Variants in PLCL1 observed in about 807,000 individuals in gnomAD.
The protein encoded by PLCL1 is inactive phospholipase C-like protein 1.
A neutral mutation model predicts 84.4 loss-of-function variants in PLCL1; 41 were observed. That is an observed-to-expected ratio of 0.49 (90% confidence interval 0.38 to 0.63). The LOEUF is 0.63. Among genes scored for constraint, PLCL1 ranks in the 30% least tolerant of loss-of-function variants. The pLI, the probability that PLCL1 is intolerant of heterozygous loss-of-function variation, is 0.00. For synonymous variants in PLCL1, 490 were observed against 488.3 expected (o/e 1.00, Z -0.05); for missense variants, 1,206 against 1,367.8 (o/e 0.88, Z 1.87).
intron 5 of PLCL1, among the ~76,000 whole-genome samples, chr2:198,142,739 A>G (rs1023629822): frequency 7.2e-5 from 11 of 151,758 alleles, no homozygotes; most frequent in African/African-American, 2.7e-4. Context: ...CATCAGCATC[A>G]GTCTACCTGA....
chr2:198,067,090 A>C (rs1692340213), intron 1 of PLCL1, among the ~76,000 whole-genome samples: 1 of 151,968 alleles, frequency 6.6e-6, no homozygotes, highest in East Asian at 1.9e-4. Context: ...CAAAATATGA[A>C]GAATTTTCCA....
rs539561414 is a variant in PLCL1, at chr2:197,972,473, C to T, written c.241-111285C>T. On this transcript the variant is annotated intron_variant, in intron 1 of 5. Coordinates refer to ENST00000428675, the MANE Select transcript of PLCL1 (RefSeq NM_006226.4). ...ACATGTCTGACAGCATCAGAGAAAA[C>T]ATCCTCGTAATGTTAATTTTACTCA... Among the ~76,000 whole-genome samples, 97 of 152,266 alleles carry T rather than the reference C, an allele frequency of 6.4e-4. 1 individual carries two copies. The highest frequency in any genetic ancestry group is 5.8e-4 in the East Asian group (3 of 5,190).
chr2:198,049,190 G>A (rs1413510758), intron 1 of PLCL1, among the ~76,000 whole-genome samples: 1 of 152,206 alleles, frequency 6.6e-6, no homozygotes, highest in African/African-American at 2.4e-5. Context: ...CACTGAGATT[G>A]TTTTGCTCTG....
At position 198,085,632 on chromosome 2, in the gene PLCL1, T is replaced by C. The variant is rs754371381; in HGVS notation, c.2115T>C (p.Ser705=). The part of the protein sequence containing the change: ...LRPSIMRDEV[S]YFSANTKGIL... ...CGTCTATAATGCGAGATGAAGTTTC[T>C]TACTTCAGCGCAAATACAAAGGGCA... Residue 705 remains serine (S), a synonymous_variant, in exon 2 of 6, where the codon TCT becomes TCC. Transcript: ENST00000428675. This position sits in a 1 kb window ranked among gnomAD's most constrained non-coding sequence, Gnocchi z 5.3. 13 of 1,613,736 alleles carry C rather than the reference T, an allele frequency of 8.1e-6. No individual in the cohort carries two copies. The highest frequency in any genetic ancestry group is 1.1e-5 in the Non-Finnish European group (13 of 1,179,624).
intron 1 of PLCL1, among the ~76,000 whole-genome samples, chr2:198,010,376 A>C (rs2105829154): frequency 6.6e-6 from 1 of 152,074 alleles, no homozygotes; most frequent in African/African-American, 2.4e-5. Context: ...TTATCATGAA[A>C]GCATGTTGAA....
chr2:197,994,670 GC>G (rs1166231036), intron 1 of PLCL1, among the ~76,000 whole-genome samples: 2 of 152,132 alleles, frequency 1.3e-5, no homozygotes, highest in African/African-American at 4.8e-5. Flanking sequence ...GGTAAGGTGT[GC>G]CTAAATTAAA....
chr2:197,995,075 T>A (rs1239543425), intron 1 of PLCL1, among the ~76,000 whole-genome samples: 1 of 152,204 alleles, frequency 6.6e-6, no homozygotes, highest in Non-Finnish European at 1.5e-5. Context: ...TATCCATGAC[T>A]TCAGTAAATT....
intron 1 of PLCL1, among the ~76,000 whole-genome samples, chr2:198,058,389 G>A (rs1199504351): frequency 1.3e-5 from 2 of 151,940 alleles, no homozygotes; most frequent in Non-Finnish European, 2.9e-5. Flanking sequence ...AAAGGAGGAA[G>A]AATTCATTTT....
chr2:197,873,735 G>C (rs1232003288), intron 1 of PLCL1, among the ~76,000 whole-genome samples: 1 of 152,098 alleles, frequency 6.6e-6, no homozygotes, highest in Non-Finnish European at 1.5e-5. Flanking sequence ...AATATATCAG[G>C]CCACCTTCCT....
intron 1 of PLCL1, among the ~76,000 whole-genome samples, chr2:197,928,333 T>C (rs965922155): frequency 2.6e-5 from 4 of 152,170 alleles, no homozygotes; most frequent in Non-Finnish European, 5.9e-5. Flanking sequence ...ATGTTGCTTA[T>C]TTTTCACTAA....
chr2:198,103,795 A>T (rs759953096), intron 4 of PLCL1, 32 bp from the exon 5 acceptor site: 10 of 1,110,504 alleles, frequency 9.0e-6, no homozygotes, highest in Admixed American at 6.0e-5. Context: ...TGAGATATAT[A>T]CTCAGATTTC....
At chr2:197,966,252 G>T (rs1055272025) in intron 1 of PLCL1, among the ~76,000 whole-genome samples, 1 of 152,110 alleles carries the variant, frequency 6.6e-6, no homozygotes, top group Middle Eastern at 3.4e-3. Flanking sequence ...AAGAGATGGT[G>T]CACATGAGCT....
At chr2:197,978,679 A>G (rs1690037722) in intron 1 of PLCL1, among the ~76,000 whole-genome samples, 2 of 152,250 alleles carry the variant, frequency 1.3e-5, no homozygotes, top group African/African-American at 4.8e-5. Context: ...CTTCCAAATC[A>G]GAGTTGTGAG....
At chr2:197,812,353 G>A (rs1690604899) in intron 1 of PLCL1, among the ~76,000 whole-genome samples, 1 of 152,146 alleles carries the variant, frequency 6.6e-6, no homozygotes. Context: ...TTCTGTTTTA[G>A]TCTCTTTGAT....
At chr2:197,900,262 T>C (rs1688239917) in intron 1 of PLCL1, among the ~76,000 whole-genome samples, 1 of 152,188 alleles carries the variant, frequency 6.6e-6, no homozygotes, top group African/African-American at 2.4e-5. Context: ...GCAAGACAGC[T>C]TACCAACTTT....
intron 1 of PLCL1, among the ~76,000 whole-genome samples, chr2:197,922,737 C>T (rs1688732089): frequency 9.1e-6 from 1 of 110,342 alleles, no homozygotes; most frequent in Non-Finnish European, 2.0e-5. Context: ...GGCAGAGGCG[C>T]CCCTCACCTC....
chr2:198,118,025 A>G (rs772031982), intron 5 of PLCL1, among the ~76,000 whole-genome samples: 4 of 151,938 alleles, frequency 2.6e-5, no homozygotes, highest in African/African-American at 7.2e-5. Context: ...CAACTCACTT[A>G]TTAAACCCTG....
At chr2:198,031,884 A>G (rs540571306) in intron 1 of PLCL1, among the ~76,000 whole-genome samples, 2 of 152,248 alleles carry the variant, frequency 1.3e-5, no homozygotes, top group South Asian at 2.1e-4. Context: ...TTAGAAAACT[A>G]ATGATAATTA....
At chr2:197,957,389 T>A (rs1423629498) in intron 1 of PLCL1, among the ~76,000 whole-genome samples, 7 of 152,106 alleles carry the variant, frequency 4.6e-5, no homozygotes, top group Non-Finnish European at 1.0e-4. Flanking sequence ...GCTAGTTGAA[T>A]GGGCCAGTGG....
Sources: gnomAD v4.1 joint callset for allele counts (sites outside exome capture counted in the v4.1 genomes callset) on GRCh38, gnomAD v4.1.1 for gene constraint, Gnocchi (gnomAD v3.1) non-coding constraint, MANE v1.5 for transcripts, NCBI Gene and HGNC (gene_info 2026-07-23, HGNC 2026-07-21) for gene names.